The following MAP2 variants were observed in gnomAD, a reference collection of about 807,000 sequenced individuals.
MAP2 encodes the protein microtubule associated protein 2, also known as microtubule-associated protein 2.
Under a neutral mutation model 137.6 loss-of-function variants are expected in MAP2, and 14 were observed. The observed-to-expected ratio is 0.10, with a 90% CI of 0.07 to 0.16. The LOEUF (loss-of-function observed/expected upper bound fraction) is 0.16, where lower values mean the gene tolerates loss of function less well. MAP2 is among the 10% of genes least tolerant of loss of function. The pLI is 1.00. For synonymous variants in MAP2, 786 were observed against 782.3 expected, an observed-to-expected ratio of 1.00 and a Z score of -0.08; for missense variants, 2,088 against 2,191.5, an observed-to-expected ratio of 0.95 and a Z score of 0.94.
intron 3 of MAP2, among the ~76,000 whole-genome samples, chr2:209,601,210 A>T (rs1182960101): frequency 1.3e-5 from 2 of 152,130 alleles, no homozygotes; most frequent in East Asian, 3.8e-4. Context: ...TACATTTAAA[A>T]TTTTTATTTT....
chr2:209,512,545 G>A (rs2061861121), intron 2 of MAP2, among the ~76,000 whole-genome samples: 4 of 137,074 alleles, frequency 2.9e-5, no homozygotes, highest in Non-Finnish European at 3.1e-5. Flanking sequence ...AATGAAAGAA[G>A]CCAGAAGTTA....
intron 7 of MAP2, among the ~76,000 whole-genome samples, 197 bp downstream of exon 7, chr2:209,681,024 G>C (rs561184419): frequency 6.6e-6 from 1 of 152,084 alleles, no homozygotes; most frequent in Non-Finnish European, 1.5e-5. Flanking sequence ...AGAGGAATTT[G>C]GTAAATAAAA....
chr2:209,676,252 A>C (rs2051376149), intron 5 of MAP2, among the ~76,000 whole-genome samples: 1 of 151,804 alleles, frequency 6.6e-6, no homozygotes, highest in Non-Finnish European at 1.5e-5. Context: ...CATGGATGGA[A>C]CCATTATTCT....
intron 1 of MAP2, among the ~76,000 whole-genome samples, chr2:209,432,815 T>G (rs1425127367): frequency 2.6e-5 from 4 of 152,126 alleles, no homozygotes; most frequent in African/African-American, 4.8e-5. Flanking sequence ...CCACCTGGAT[T>G]GTATATCAAG....
intron 4 of MAP2, among the ~76,000 whole-genome samples, chr2:209,638,860 C>A (rs1223207710): frequency 6.6e-6 from 1 of 152,050 alleles, no homozygotes; most frequent in Non-Finnish European, 1.5e-5. Context: ...TAACAGCATT[C>A]CTGATATAAA....
At chr2:209,552,644 C>CTT (rs2069459202) in intron 2 of MAP2, among the ~76,000 whole-genome samples, 7 of 151,782 alleles carry the variant, frequency 4.6e-5, no homozygotes, top group African/African-American at 1.7e-4. Context: ...GGGTGGATCA[C>CTT]GAGGTCAGGA....
intron 3 of MAP2, among the ~76,000 whole-genome samples, chr2:209,584,638 G>C (rs140331832): frequency 6.6e-6 from 1 of 152,196 alleles, no homozygotes; most frequent in East Asian, 1.9e-4. Context: ...CTCTGTGTGA[G>C]ATAAATCAGA....
At chr2:209,662,333 T>C (rs939020628) in intron 5 of MAP2, among the ~76,000 whole-genome samples, 2 of 152,232 alleles carry the variant, frequency 1.3e-5, no homozygotes, top group Admixed American at 1.3e-4. Context: ...ATGTCAGAAC[T>C]ACATCACAAG....
chr2:209,529,347 G>C (rs1466552207), intron 2 of MAP2, among the ~76,000 whole-genome samples: 1 of 152,124 alleles, frequency 6.6e-6, no homozygotes, highest in East Asian at 1.9e-4. Context: ...TTAATGCATT[G>C]TACGTCAATT....
chr2:209,650,430 G>C (rs1435545588), intron 4 of MAP2, among the ~76,000 whole-genome samples: 1 of 152,044 alleles, frequency 6.6e-6, no homozygotes, highest in Non-Finnish European at 1.5e-5. Flanking sequence ...TACTTCTGTG[G>C]TCTTCCTCCC....
intron 13 of MAP2, among the ~76,000 whole-genome samples, chr2:209,723,436 T>C (rs1172093154): frequency 1.3e-5 from 2 of 152,200 alleles, no homozygotes; most frequent in African/African-American, 4.8e-5. Context: ...CAGATTTACA[T>C]GATAGAACAG....
At chr2:209,648,049 A>G (rs944432530) in intron 4 of MAP2, among the ~76,000 whole-genome samples, 4 of 152,086 alleles carry the variant, frequency 2.6e-5, no homozygotes, top group East Asian at 1.9e-4. Context: ...TCATAATACA[A>G]TAAAGTCAAG....
intron 2 of MAP2, among the ~76,000 whole-genome samples, chr2:209,566,041 C>T (rs747049306): frequency 1.3e-5 from 2 of 152,194 alleles, no homozygotes; most frequent in African/African-American, 2.4e-5. Flanking sequence ...TTCATTCTCC[C>T]TCACTCAGCG....
chr2:209,681,272 A>G (rs1049287130), intron 7 of MAP2, among the ~76,000 whole-genome samples: 2 of 152,206 alleles, frequency 1.3e-5, no homozygotes, highest in Admixed American at 6.6e-5. Flanking sequence ...GCTCACTGTT[A>G]TATTGCCAAG....
At chr2:209,497,778 C>G (rs942969540) in intron 1 of MAP2, among the ~76,000 whole-genome samples, 4 of 152,070 alleles carry the variant, frequency 2.6e-5, no homozygotes, top group Non-Finnish European at 5.9e-5. Flanking sequence ...CTCATGAAAA[C>G]TCACTATCAC....
chr2:209,697,126 G>C, intron 10 of MAP2, 75 bp downstream of exon 10: 1 of 1,392,806 alleles, frequency 7.2e-7, no homozygotes, highest in Non-Finnish European at 9.5e-7. Flanking sequence ...TACTGTAGCA[G>C]CTTCTTCATT....
At chr2:209,586,833 A>T (rs1311631940) in intron 3 of MAP2, among the ~76,000 whole-genome samples, 3 of 152,180 alleles carry the variant, frequency 2.0e-5, no homozygotes, top group Admixed American at 6.5e-5. Context: ...TCCAGGCAAG[A>T]AAAATGAGAA....
intron 5 of MAP2, among the ~76,000 whole-genome samples, chr2:209,670,269 A>T (rs1237734044): frequency 6.6e-6 from 1 of 152,026 alleles, no homozygotes; most frequent in African/African-American, 2.4e-5. Context: ...AACATGCAAT[A>T]CATTACTCCA....
chr2:209,520,919 G>A (rs539343008), intron 2 of MAP2, among the ~76,000 whole-genome samples: 1 of 152,102 alleles, frequency 6.6e-6, no homozygotes, highest in African/African-American at 2.4e-5. Flanking sequence ...ATCATGTTAG[G>A]AGATGTGGCA....
Sources: gnomAD v4.1 joint callset for allele counts (sites outside exome capture counted in the v4.1 genomes callset) on GRCh38, gnomAD v4.1.1 for gene constraint, MANE v1.5 for transcripts, NCBI Gene and HGNC (gene_info 2026-07-23, HGNC 2026-07-21) for gene names.